Variants in CLSTN2 observed in about 807,000 individuals in gnomAD.
The protein encoded by CLSTN2 is calsyntenin 2.
A neutral mutation model predicts 101.2 loss-of-function variants in CLSTN2; 48 were observed. The ratio of observed to expected loss-of-function variants is 0.47; its 90% CI spans 0.38 to 0.60. CLSTN2 has a LOEUF of 0.60. Among genes scored for constraint, CLSTN2 ranks in the 20% least tolerant of loss-of-function variants. The pLI, the probability that CLSTN2 is intolerant of heterozygous loss-of-function variation, is 0.00. For synonymous variants in CLSTN2, 481 were observed against 463.6 expected (o/e 1.04, Z -0.48); for missense variants, 1,160 against 1,238.2 (o/e 0.94, Z 0.95).
intron 2 of CLSTN2, among the ~76,000 whole-genome samples, chr3:140,235,295 T>A (rs2086406621): frequency 6.6e-6 from 1 of 152,112 alleles, no homozygotes; most frequent in African/African-American, 2.4e-5. Flanking sequence ...GAAGGCCAGA[T>A]GGGGGCCCTA....
At chr3:140,296,452 A>G (rs1000739721) in intron 2 of CLSTN2, among the ~76,000 whole-genome samples, 10 of 152,166 alleles carry the variant, frequency 6.6e-5, no homozygotes, top group African/African-American at 2.4e-4. Context: ...ATGATACGCC[A>G]TTGTCATTTC....
intron 6 of CLSTN2, 94 bp downstream of exon 6, chr3:140,448,798 C>T: frequency 9.0e-7 from 1 of 1,107,468 alleles, no homozygotes; most frequent in Non-Finnish European, 1.3e-6. Context: ...AAGAATCAAC[C>T]CTCCCTTCCT....
intron 8 of CLSTN2, chr3:140,505,686 T>A (rs1934672838): frequency 6.6e-6 from 1 of 152,218 alleles, no homozygotes; most frequent in South Asian, 2.1e-4. Context: ...ATTATAATTA[T>A]GTTTCTCTTA....
At chr3:140,413,542 C>T (rs1410099258) in intron 4 of CLSTN2, among the ~76,000 whole-genome samples, 5 of 152,160 alleles carry the variant, frequency 3.3e-5, no homozygotes, top group African/African-American at 1.2e-4. Flanking sequence ...CTTTCAAACT[C>T]ATTTTATTAG....
chr3:140,072,082 ACTTT>A (rs1326994758), intron 1 of CLSTN2, among the ~76,000 whole-genome samples: 2 of 152,254 alleles, frequency 1.3e-5, no homozygotes, highest in East Asian at 1.9e-4. Context: ...TGAGCATCAA[ACTTT>A]CTTCTACAGT....
intron 1 of CLSTN2, among the ~76,000 whole-genome samples, chr3:140,068,409 T>C (rs1192120837): frequency 6.6e-6 from 1 of 152,264 alleles, no homozygotes; most frequent in Non-Finnish European, 1.5e-5. Context: ...TGGCACTTGG[T>C]AGATTACCCT....
intron 1 of CLSTN2, among the ~76,000 whole-genome samples, chr3:140,010,649 C>T (rs937362686): frequency 3.9e-5 from 6 of 152,190 alleles, no homozygotes; most frequent in African/African-American, 1.2e-4. Flanking sequence ...CTGGACACTG[C>T]ATCCCACAGG....
intron 8 of CLSTN2, among the ~76,000 whole-genome samples, chr3:140,514,966 A>G (rs2107770123): frequency 6.6e-6 from 1 of 152,240 alleles, no homozygotes; most frequent in African/African-American, 2.4e-5. Context: ...TTCTTCTTTG[A>G]AAGTCTGATA....
At chr3:139,945,981 C>G (rs1199218054) in intron 1 of CLSTN2, among the ~76,000 whole-genome samples, 2 of 152,038 alleles carry the variant, frequency 1.3e-5, no homozygotes, top group African/African-American at 4.8e-5. Context: ...TTAGATTAAC[C>G]TTTTTAGTGA....
At chr3:140,184,381 A>G (rs2010454914) in intron 2 of CLSTN2, among the ~76,000 whole-genome samples, 1 of 152,154 alleles carries the variant, frequency 6.6e-6, no homozygotes, top group African/African-American at 2.4e-5. Flanking sequence ...CTCATGGCAG[A>G]AGGGGAAGCA....
chr3:140,159,101 C>T (rs2010005098), intron 1 of CLSTN2, among the ~76,000 whole-genome samples: 1 of 152,070 alleles, frequency 6.6e-6, no homozygotes. Flanking sequence ...ACGAAATATT[C>T]TTCTCGACAT....
At chr3:140,444,367 T>C (rs1241993806) in intron 5 of CLSTN2, among the ~76,000 whole-genome samples, 3 of 151,596 alleles carry the variant, frequency 2.0e-5, no homozygotes, top group African/African-American at 7.3e-5. Context: ...GAGGTGGAGG[T>C]TACGGTGGGC....
chr3:140,258,178 T>C (rs2086619663), intron 2 of CLSTN2, among the ~76,000 whole-genome samples: 1 of 152,224 alleles, frequency 6.6e-6, no homozygotes, highest in Admixed American at 6.5e-5. Context: ...GCTTTTATTG[T>C]GCTAACCTCC....
chr3:139,996,178 C>T (rs986452296), intron 1 of CLSTN2, among the ~76,000 whole-genome samples: 2 of 152,026 alleles, frequency 1.3e-5, no homozygotes, highest in African/African-American at 2.4e-5. Flanking sequence ...TTTGGTTTTA[C>T]TTGTGCTGAA....
chr3:140,559,236 G>C (rs539394684), intron 12 of CLSTN2, among the ~76,000 whole-genome samples: 1 of 151,616 alleles, frequency 6.6e-6, no homozygotes, highest in East Asian at 1.9e-4. Flanking sequence ...TTCTCTGAGA[G>C]GCATAACGAG....
chr3:140,396,932 C>T (rs945408209), intron 2 of CLSTN2, among the ~76,000 whole-genome samples: 11 of 152,184 alleles, frequency 7.2e-5, no homozygotes, highest in African/African-American at 2.4e-4. Flanking sequence ...CTTATGACCC[C>T]TTTACACTCT....
Position 140,245,026 on chromosome 3 carries a change from T to A in CLSTN2, c.232+68953T>A, listed in dbSNP as rs112798500. On this transcript the variant is annotated intron_variant, in intron 2 of 16. Transcript: ENST00000458420. ...GCACAGTACTCCAAACTTGCCTCCC[T>A]CATACCACAGAGCCTCTTCTTCAGA... Among the ~76,000 whole-genome samples the A allele has an allele frequency of 3.0e-3, 462 of 152,304 alleles. 2 individuals carry two copies. Among genetic ancestry groups the A allele is most frequent in the Non-Finnish European group, 5.5e-3 (373 of 68,024 alleles).
intron 1 of CLSTN2, among the ~76,000 whole-genome samples, chr3:139,938,819 A>G (rs1480614546): frequency 2.0e-5 from 3 of 152,154 alleles, no homozygotes; most frequent in Admixed American, 2.0e-4. Context: ...TTGGAACAAT[A>G]CTCAAGTATA....
chr3:140,556,476 A>G lies in CLSTN2; in HGVS notation c.1675-37A>G, dbSNP rs201541993. The G allele has an allele frequency of 4.8e-5, 77 of 1,611,196 alleles. No individual in the cohort carries two copies. The African/African-American group carries it at 9.5e-4, about 20-fold the overall frequency. On this transcript the variant is annotated intron_variant, in intron 10 of 16. Transcript: ENST00000458420. ...TCCCATAAAACCATGTACATCACTG[A>G]CCATTCTCTTCCATGATGCTCACTT...
Sources: allele counts gnomAD v4.1 joint callset (sites outside exome capture counted in the v4.1 genomes callset), GRCh38; gene constraint gnomAD v4.1.1; transcripts MANE v1.5; gene names NCBI Gene and HGNC (gene_info 2026-07-23, HGNC 2026-07-21).